Variants in COP1 observed in about 807,000 individuals in gnomAD.
COP1 encodes the protein COP1 E3 ubiquitin ligase.
In COP1, 24 loss-of-function variants were observed where a neutral mutation model predicts 101.3. That is an observed-to-expected ratio of 0.24 (90% confidence interval 0.17 to 0.33). COP1 has a LOEUF of 0.33. Ranked by LOEUF, COP1 falls within the 10% of genes least tolerant of loss-of-function variation. The probability of loss-of-function intolerance (pLI) is 1.00; values close to 1 mark genes in which losing one functional copy is unlikely to be tolerated. For synonymous variants in COP1, 347 were observed against 341.9 expected, an observed-to-expected ratio of 1.01 and a Z score of -0.17; for missense variants, 663 against 906.2, an observed-to-expected ratio of 0.73 and a Z score of 3.45.
intron 3 of COP1, among the ~76,000 whole-genome samples, chr1:176,164,872 C>G (rs968485537): frequency 6.6e-6 from 1 of 151,948 alleles, no homozygotes; most frequent in Non-Finnish European, 1.5e-5. Context: ...TACCACTAGG[C>G]TAGGAAGGCA....
chr1:175,999,598 GA>G (rs1661108146), intron 15 of COP1, among the ~76,000 whole-genome samples: 1 of 151,982 alleles, frequency 6.6e-6, no homozygotes, highest in African/African-American at 2.4e-5. Flanking sequence ...CTTTCATATA[GA>G]AGTTGCCTTT....
At chr1:176,004,568 T>C (rs12062010) in intron 15 of COP1, among the ~76,000 whole-genome samples, 8,628 of 152,208 alleles carry the variant, frequency 0.057, 287 homozygotes, top group African/African-American at 0.08. Flanking sequence ...TGAAGGGTTG[T>C]TGCATTTTGT....
chr1:175,991,855 T>G (rs976628828), intron 15 of COP1, among the ~76,000 whole-genome samples: 1 of 152,208 alleles, frequency 6.6e-6, no homozygotes, highest in African/African-American at 2.4e-5. Context: ...AGGGTAATGA[T>G]ATGCATAGAG....
intron 8 of COP1, among the ~76,000 whole-genome samples, chr1:176,118,145 C>A (rs1686521566): frequency 6.6e-6 from 1 of 152,134 alleles, no homozygotes; most frequent in South Asian, 2.1e-4. Flanking sequence ...CTTATTTGAG[C>A]TCTAGCTTCT....
At chr1:175,987,889 C>G (rs1571420265) in intron 17 of COP1, among the ~76,000 whole-genome samples, 1 of 152,108 alleles carries the variant, frequency 6.6e-6, no homozygotes, top group African/African-American at 2.4e-5. Flanking sequence ...CAGATTACTT[C>G]ATGAAGAGAA....
At chr1:175,967,473 G>A (rs1309580198) in intron 18 of COP1, among the ~76,000 whole-genome samples, 2 of 151,440 alleles carry the variant, frequency 1.3e-5, no homozygotes, top group African/African-American at 2.4e-5. Context: ...GTGACACAGT[G>A]AGACTCAGTC....
intron 18 of COP1, among the ~76,000 whole-genome samples, chr1:175,980,659 A>C (rs1172830251): frequency 6.6e-6 from 1 of 152,052 alleles, no homozygotes; most frequent in East Asian, 1.9e-4. Flanking sequence ...CCACAACAGA[A>C]AATGTCCACC....
chr1:176,115,373 C>G (rs923631597), intron 9 of COP1, among the ~76,000 whole-genome samples: 1 of 152,096 alleles, frequency 6.6e-6, no homozygotes, highest in Non-Finnish European at 1.5e-5. Context: ...TCGCTTGAAC[C>G]CAGAAGGCAG....
intron 9 of COP1, among the ~76,000 whole-genome samples, chr1:176,107,216 C>T (rs926831517): frequency 1.7e-4 from 26 of 151,906 alleles, no homozygotes; most frequent in Admixed American, 1.4e-3. Context: ...TATATTAATA[C>T]ATATGAATAC....
rs1657276976 is a variant in COP1, at chr1:175,986,976, A to G, written c.2100T>C (p.Val700=). The G allele has an allele frequency of 6.2e-7, 1 of 1,609,510 alleles. No individual in the cohort carries two copies. The highest frequency in any genetic ancestry group is 8.5e-7 in the Non-Finnish European group (1 of 1,178,576). The change falls in exon 18 of 20, where the codon GTT becomes GTC. Residue 700 remains valine (V), a synonymous_variant. Coordinates refer to ENST00000367669, the MANE Select transcript of COP1 (RefSeq NM_022457.7). ...GTAGTGCCCTCCAGCACACAGCACTAACAAATTCATTTGTATCATCTTCTT... is the reference window on the plus strand; with the variant it reads ...GTAGTGCCCTCCAGCACACAGCACTGACAAATTCATTTGTATCATCTTCTT... ...DRKEDDTNEF[V]SAVCWRALPD... is the part of the protein sequence containing the mutation.
At chr1:176,095,458 A>G (rs1682166989) in intron 9 of COP1, among the ~76,000 whole-genome samples, 1 of 152,182 alleles carries the variant, frequency 6.6e-6, no homozygotes, top group Non-Finnish European at 1.5e-5. Context: ...CAAGGCAGGC[A>G]GATTGCTTGA....
intron 15 of COP1, among the ~76,000 whole-genome samples, chr1:176,006,420 G>A (rs1019796653): frequency 5.3e-5 from 8 of 152,170 alleles, no homozygotes; most frequent in Admixed American, 6.5e-5. Flanking sequence ...TTGCTCGTTA[G>A]TTGATGCAGT....
At chr1:176,200,274 G>A (rs1700130182) in intron 1 of COP1, among the ~76,000 whole-genome samples, 1 of 152,194 alleles carries the variant, frequency 6.6e-6, no homozygotes, top group Non-Finnish European at 1.5e-5. Context: ...CTAATTGTCA[G>A]TACAACACAT....
At chr1:176,109,759 T>C (rs570444553) in intron 9 of COP1, among the ~76,000 whole-genome samples, 1 of 152,326 alleles carries the variant, frequency 6.6e-6, no homozygotes, top group East Asian at 1.9e-4. Context: ...TTAGTATGCA[T>C]CAACACTGTC....
At chr1:176,057,230 TTA>T in intron 11 of COP1, among the ~76,000 whole-genome samples, 1 of 152,290 alleles carries the variant, frequency 6.6e-6, no homozygotes, top group African/African-American at 2.4e-5. Context: ...TTCTAAACAT[TTA>T]TATAGTTTGC....
intron 18 of COP1, among the ~76,000 whole-genome samples, chr1:175,947,841 A>T (rs538618717): frequency 2.0e-5 from 3 of 152,222 alleles, no homozygotes; most frequent in African/African-American, 7.2e-5. Flanking sequence ...AAAGAAACAA[A>T]GACTGAAATA....
chr1:176,162,467 A>G (rs1199447373), intron 5 of COP1, among the ~76,000 whole-genome samples: 1 of 152,186 alleles, frequency 6.6e-6, no homozygotes, highest in Non-Finnish European at 1.5e-5. Flanking sequence ...CTACCAATGG[A>G]CACCTGCTGA....
intron 10 of COP1, among the ~76,000 whole-genome samples, chr1:176,084,300 TTAGAAAATAATTACCAAA>T (rs1679721570): frequency 6.6e-6 from 1 of 152,148 alleles, no homozygotes; most frequent in Admixed American, 6.5e-5. Flanking sequence ...CCAGAAATTG[TTAGAAAATAATTACCAAA>T]TAGAAAATGA....
At position 176,050,275 on chromosome 1, in the gene COP1, T is replaced by G. The variant is rs144295451; in HGVS notation, c.1278-3951A>C. Among the ~76,000 whole-genome samples the G allele has an allele frequency of 4.6e-3, 696 of 152,358 alleles. 6 individuals carry two copies. Among genetic ancestry groups the G allele is most frequent in the South Asian group, 0.014 (66 of 4,832 alleles). On this transcript the variant is annotated intron_variant, in intron 11 of 19. Coordinates refer to ENST00000367669, the MANE Select transcript of COP1 (RefSeq NM_022457.7). Reference sequence around the variant, plus strand: ...TCAAAAATGTCATTAGTCAAGTGATTAAGCAGCAAGGCAAGAAACTGCACA... The same window carrying G: ...TCAAAAATGTCATTAGTCAAGTGATGAAGCAGCAAGGCAAGAAACTGCACA...
Sources: allele counts gnomAD v4.1 joint callset (sites outside exome capture counted in the v4.1 genomes callset), GRCh38; gene constraint gnomAD v4.1.1; transcripts MANE v1.5; gene names NCBI Gene and HGNC (gene_info 2026-07-23, HGNC 2026-07-21).